RAB3GAP2: variants seen among roughly 807,000 people sequenced by gnomAD.
RAB3GAP2 encodes the protein rab3 GTPase-activating protein non-catalytic subunit.
In RAB3GAP2, 87 loss-of-function variants were observed where a neutral mutation model predicts 185.3. The ratio of observed to expected loss-of-function variants is 0.47; its 90% CI spans 0.39 to 0.56. RAB3GAP2 has a LOEUF of 0.56. Ranked by LOEUF, RAB3GAP2 falls within the 20% of genes least tolerant of loss-of-function variation. The pLI is 0.00. For missense variants in RAB3GAP2, 1,492 were observed against 1,638.2 expected (o/e 0.91, Z 1.54); for synonymous variants, 554 against 576.1 (o/e 0.96, Z 0.55).
chr1:220,263,795 C>A (rs370293452), intron 1 of RAB3GAP2, among the ~76,000 whole-genome samples: 1 of 151,788 alleles, frequency 6.6e-6, no homozygotes, highest in South Asian at 2.1e-4. Context: ...TTCTTATGTA[C>A]GCTATTATGC....
chr1:220,153,851 G>A, intron 32 of RAB3GAP2, 117 bp downstream of exon 32: 3 of 1,418,618 alleles, frequency 2.1e-6, no homozygotes, highest in Non-Finnish European at 2.9e-6. Context: ...AACATGTGCT[G>A]TTTGGTTTTC....
intron 1 of RAB3GAP2, among the ~76,000 whole-genome samples, chr1:220,249,732 G>A (rs752918776): frequency 6.6e-6 from 1 of 152,186 alleles, no homozygotes; most frequent in Non-Finnish European, 1.5e-5. Context: ...GCAGCTTTGT[G>A]CAGTCTTGGG....
intron 21 of RAB3GAP2, among the ~76,000 whole-genome samples, chr1:220,174,006 C>T (rs1256618086): frequency 3.1e-5 from 4 of 127,138 alleles, no homozygotes; most frequent in Admixed American, 9.4e-5. Flanking sequence ...GGCTACAGAG[C>T]GAGACTCTGT....
intron 25 of RAB3GAP2, 35 bp from the exon 26 acceptor site, chr1:220,167,434 T>C (rs1160690463): frequency 6.2e-7 from 1 of 1,613,070 alleles, no homozygotes; most frequent in Admixed American, 1.7e-5. Context: ...TGTTATTTTT[T>C]TCCTTAATGA....
intron 1 of RAB3GAP2, among the ~76,000 whole-genome samples, chr1:220,255,539 C>T (rs192268055): frequency 1.6e-3 from 251 of 152,250 alleles, no homozygotes; most frequent in African/African-American, 5.8e-3. Context: ...CATGATCAAA[C>T]AATACAGGAG....
In RAB3GAP2 at chr1:220,267,573, G is replaced by A; in HGVS notation, c.115+4650C>T. 3.7e-6 allele frequency: 5 copies of A among 1,364,652 alleles called. No individual in the cohort carries two copies. In the South Asian group the frequency reaches 5.8e-5, roughly 16 times the overall value. The allele number at this position is 1,364,652 out of a possible 1,614,324, so 84.5% of individuals were successfully genotyped here. A position where few individuals can be genotyped will look rare whatever the true frequency, so the allele number is the denominator to read the frequency against. On this transcript the variant is annotated intron_variant, in intron 1 of 34. Transcript: ENST00000358951. Reference sequence around the variant, plus strand: ...TGATTCTTCATTTTTCTGTTTTGATGCCAGTTCCTCCTCAGGATTATTTTC... The same window carrying A: ...TGATTCTTCATTTTTCTGTTTTGATACCAGTTCCTCCTCAGGATTATTTTC...
intron 1 of RAB3GAP2, among the ~76,000 whole-genome samples, chr1:220,251,947 C>T (rs552966149): frequency 2.6e-4 from 40 of 151,854 alleles, no homozygotes; most frequent in Non-Finnish European, 5.3e-4. Flanking sequence ...CCCACAAATT[C>T]GAGACCAGCC....
chr1:220,207,320 T>C (rs1357765974), intron 7 of RAB3GAP2, among the ~76,000 whole-genome samples: 1 of 152,142 alleles, frequency 6.6e-6, no homozygotes, highest in Non-Finnish European at 1.5e-5. Context: ...TACATGAGAG[T>C]GACTGTTTCT....
chr1:220,247,748 A>C (rs554411832), intron 1 of RAB3GAP2, among the ~76,000 whole-genome samples: 1 of 152,322 alleles, frequency 6.6e-6, no homozygotes, highest in South Asian at 2.1e-4. Context: ...CAAACTGTTG[A>C]AATTTTAAGA....
Position 220,164,809 on chromosome 1 carries a change from AG to A in RAB3GAP2, c.3088-11del. On this transcript the variant is annotated splice_polypyrimidine_tract_variant and intron_variant, in intron 26 of 34. Transcript: ENST00000358951. ...CAAAAAAACGTGCTTCCTTACATAC[AG>A]GGAGAAAAAAACGAGAAAGAAAAAG... 1 of 1,604,242 alleles carries A rather than the reference AG, an allele frequency of 6.2e-7. No homozygotes were observed. The highest frequency in any genetic ancestry group is 8.5e-7 in the Non-Finnish European group (1 of 1,173,782).
chr1:220,171,141 G>A, intron 23 of RAB3GAP2, 21 bp from the exon 24 acceptor site: 1 of 1,597,550 alleles, frequency 6.3e-7, no homozygotes, highest in Non-Finnish European at 8.6e-7. Context: ...ATGCACTGGT[G>A]ATTCTTTGCC....
chr1:220,210,694 A>T, intron 6 of RAB3GAP2, 107 bp downstream of exon 6: 1 of 1,232,834 alleles, frequency 8.1e-7, no homozygotes, highest in Non-Finnish European at 1.2e-6. Context: ...AGAATCAACT[A>T]CACATTTTCA....
At chr1:220,263,558 A>G (rs111555920) in intron 1 of RAB3GAP2, among the ~76,000 whole-genome samples, 223 of 152,086 alleles carry the variant, frequency 1.5e-3, no homozygotes, top group African/African-American at 5.2e-3. Flanking sequence ...TTTTCCCCCA[A>G]AGAATGCTCT....
chr1:220,196,917 T>C (rs747667551), intron 9 of RAB3GAP2, among the ~76,000 whole-genome samples: 2 of 152,112 alleles, frequency 1.3e-5, no homozygotes, highest in Non-Finnish European at 2.9e-5. Flanking sequence ...TTTAATTTTT[T>C]GAACAGATAT....
Position 220,202,342 on chromosome 1 carries a change from G to T in RAB3GAP2, c.745C>A (p.Pro249Thr). Reference protein sequence around the residue: ...AASGNENIQPPPLAYKKWGLQ... With the variant: ...AASGNENIQPTPLAYKKWGLQ... ...CCCCATTTCTTATAAGCTAATGGTG[G>T]TGGTTGTATGTTCTCATTGCCTGAT... Residue 249 changes from proline (P) to threonine (T), a missense_variant, in exon 9 of 35, where the codon CCA (proline) becomes ACA (threonine). By Grantham distance (38) the Pro-to-Thr change is conservative. This residue lies in a region of RAB3GAP2 where 243 missense variants were observed against 314.8 expected (regional missense o/e 0.77). Coordinates refer to ENST00000358951, the MANE Select transcript of RAB3GAP2 (RefSeq NM_012414.4). 6.2e-7 allele frequency: 1 copy of T among 1,613,806 alleles called. No homozygotes were observed. The highest frequency in any genetic ancestry group is 8.5e-7 in the Non-Finnish European group (1 of 1,179,864).
At position 220,236,641 on chromosome 1, in the gene RAB3GAP2, C is replaced by T. The variant is rs150450206; in HGVS notation, c.116-3778G>A. Among the ~76,000 whole-genome samples the T allele has an allele frequency of 7.3e-5, 11 of 150,562 alleles. 1 individual carries two copies. The East Asian group carries it at 2.1e-3, about 29-fold the overall frequency. ...TTACCAAAGTTATTTCTTACGCCTT[C>T]AGGTTAGGCAAGCAGGTCAAGCACA... On this transcript the variant is annotated intron_variant, in intron 1 of 34. Transcript: ENST00000358951.
chr1:220,224,298 T>C (rs1401884961), intron 2 of RAB3GAP2, among the ~76,000 whole-genome samples: 2 of 152,130 alleles, frequency 1.3e-5, no homozygotes, highest in Non-Finnish European at 2.9e-5. Flanking sequence ...TATGACACTA[T>C]GTGCCAACAT....
At chr1:220,207,349 T>C (rs1273344020) in intron 7 of RAB3GAP2, among the ~76,000 whole-genome samples, 1 of 152,158 alleles carries the variant, frequency 6.6e-6, no homozygotes, top group Non-Finnish European at 1.5e-5. Context: ...TCATCAAAAG[T>C]TTGTTAATCT....
intron 4 of RAB3GAP2, chr1:220,211,260 A>G: frequency 1.6e-6 from 1 of 621,942 alleles, no homozygotes; most frequent in Non-Finnish European, 3.0e-6. Context: ...GAAAAACATG[A>G]AAGTACAGAA....
Sources: gnomAD v4.1 joint callset for allele counts (sites outside exome capture counted in the v4.1 genomes callset) on GRCh38, gnomAD v4.1.1 for gene constraint, gnomAD v4.1.1 regional missense constraint, MANE v1.5 for transcripts, NCBI Gene and HGNC (gene_info 2026-07-23, HGNC 2026-07-21) for gene names.